ZNF653: variants seen among roughly 807,000 people sequenced by gnomAD.
The protein encoded by ZNF653 is zinc finger protein 653.
ZNF653 carries 37 observed loss-of-function variants against 59.9 expected under a neutral mutation model. That is an observed-to-expected ratio of 0.62 (90% CI 0.48 to 0.81). The LOEUF (loss-of-function observed/expected upper bound fraction) is 0.81, where lower values mean the gene tolerates loss of function less well. ZNF653 is among the 40% of genes least tolerant of loss of function. The pLI is 0.00. For synonymous variants in ZNF653, 435 were observed against 371.8 expected (o/e 1.17, Z -1.96); for missense variants, 808 against 881.1 (o/e 0.92, Z 1.05).
chr19:11,505,111 T>C (rs1301691574), intron 1 of ZNF653: 1 of 198,358 alleles, frequency 5.0e-6, no homozygotes, highest in African/African-American at 2.4e-5. Flanking sequence ...CCAGGCCAGG[T>C]GGGGAACTAA....
intron 3 of ZNF653, among the ~76,000 whole-genome samples, chr19:11,493,059 G>A (rs1306424124): frequency 6.9e-6 from 1 of 145,722 alleles, no homozygotes; most frequent in African/African-American, 2.5e-5. Context: ...GCCCTCGGGA[G>A]TGTTTTTTTT....
chr19:11,485,108 T>A (rs77683181), intron 7 of ZNF653, among the ~76,000 whole-genome samples: 3,333 of 151,292 alleles, frequency 0.022, 123 homozygotes, highest in African/African-American at 0.077. Flanking sequence ...ACTTCTGACC[T>A]CCTGTGATAT....
intron 1 of ZNF653, among the ~76,000 whole-genome samples, chr19:11,499,582 T>C (rs898098995): frequency 2.2e-5 from 3 of 135,508 alleles, no homozygotes; most frequent in East Asian, 2.1e-4. Flanking sequence ...CTGGGCAACA[T>C]AGCAAGATCC....
intron 1 of ZNF653, chr19:11,505,277 C>T: frequency 1.9e-6 from 1 of 515,832 alleles, no homozygotes; most frequent in Non-Finnish European, 3.3e-6. Context: ...GCTGGGTGCA[C>T]CCTAGGATTG....
intron 5 of ZNF653, 27 bp downstream of exon 5, chr19:11,486,960 C>T (rs1971473216): frequency 6.2e-7 from 1 of 1,612,254 alleles, no homozygotes; most frequent in Non-Finnish European, 8.5e-7. Flanking sequence ...AGCCCTCGCC[C>T]TCACCCTTGC....
chr19:11,484,017 C>A (rs1036172578), intron 8 of ZNF653, 25 bp downstream of exon 8: 52 of 1,548,066 alleles, frequency 3.4e-5, no homozygotes, highest in Non-Finnish European at 4.4e-5. Flanking sequence ...AATCCTCTAG[C>A]GGCACGGGGC....
In ZNF653 at chr19:11,483,664, G is replaced by T; in HGVS notation, c.*18C>A. ...TCCGAGCGGACGAATAAATAGGGGCGGTCAGTGGTCAGGTGGGTCAGGTGG... is the reference window on the plus strand; with the variant it reads ...TCCGAGCGGACGAATAAATAGGGGCTGTCAGTGGTCAGGTGGGTCAGGTGG... On this transcript the variant is annotated 3_prime_UTR_variant, in exon 9 of 9. Transcript: ENST00000293771. 1 of 1,604,166 alleles carries T rather than the reference G, an allele frequency of 6.2e-7. No homozygotes were observed. Among genetic ancestry groups the T allele is most frequent in the Non-Finnish European group, 8.5e-7 (1 of 1,171,848 alleles).
chr19:11,497,454 G>A (rs1270052797), intron 2 of ZNF653, among the ~76,000 whole-genome samples: 1 of 152,196 alleles, frequency 6.6e-6, no homozygotes, highest in Non-Finnish European at 1.5e-5. Flanking sequence ...GCTTCTCTGA[G>A]CCCCAGGTGC....
Position 11,484,115 on chromosome 19 carries a change from A to T in ZNF653, c.1597T>A (p.Cys533Ser). ...SGVREFTCET[C>S]GKSFKRKNHL... is the part of the protein sequence containing the mutation. Reference sequence around the variant, plus strand: ...TTCTTCCTCTTGAAGGACTTGCCGCAGGTCTCGCAGGTGAATTCACGGACA... The same window carrying T: ...TTCTTCCTCTTGAAGGACTTGCCGCTGGTCTCGCAGGTGAATTCACGGACA... Residue 533 changes from cysteine (C) to serine (S), a missense_variant, in exon 8 of 9, where the codon TGC becomes AGC. Coordinates refer to ENST00000293771, the MANE Select transcript of ZNF653 (RefSeq NM_138783.4). 6.4e-7 allele frequency: 1 copy of T among 1,554,856 alleles called. No individual in the cohort carries two copies. The highest frequency in any genetic ancestry group is 8.7e-7 in the Non-Finnish European group (1 of 1,148,998).
rs368267798 is a variant in ZNF653 at position 11,485,624 on chromosome 19, C to T, written c.1570+32G>A. 3.7e-5 allele frequency: 58 copies of T among 1,574,040 alleles called. No individual in the cohort carries two copies. In the African/African-American group the frequency reaches 5.1e-4, roughly 14 times the overall value. On this transcript the variant is annotated intron_variant, in intron 7 of 8. Coordinates refer to ENST00000293771, the MANE Select transcript of ZNF653 (RefSeq NM_138783.4). Reference sequence around the variant, plus strand: ...CCCAGGCCCATGTCCCTGTGTCCCCCGCTCATGCTGCCAGCTGGCCCAGGG... The same window carrying T: ...CCCAGGCCCATGTCCCTGTGTCCCCTGCTCATGCTGCCAGCTGGCCCAGGG...
Position 11,495,885 on chromosome 19 carries a change from C to A in ZNF653, c.559+65G>T. The A allele has an allele frequency of 6.7e-7, 1 of 1,501,736 alleles. No individual in the cohort carries two copies. The allele number at this position is 1,501,736 out of a possible 1,614,324, so 93.0% of individuals were successfully genotyped here. On this transcript the variant is annotated intron_variant, in intron 3 of 8. Transcript: ENST00000293771. The surrounding 1 kb of genome is among the most constrained non-coding windows in gnomAD (Gnocchi z 4.9). ...CTGCTATTCTGTTTGTGATGCTAGC[C>A]TAGGGCTCGTAAGAAGCCCCCAGAA...
chr19:11,494,361 ACATAACATAACATAACATAAAACAT>A (rs1971560870), intron 3 of ZNF653, among the ~76,000 whole-genome samples: 1 of 148,422 alleles, frequency 6.7e-6, no homozygotes, highest in African/African-American at 2.6e-5. Flanking sequence ...ACATAACATA[ACATAACATAACATAACATAAAACAT>A]AACATAACAT....
chr19:11,505,449 C>T, intron 1 of ZNF653, 39 bp downstream of exon 1: 24 of 1,404,986 alleles, frequency 1.7e-5, no homozygotes, highest in South Asian at 7.6e-5. Context: ...GGTCTGGGGG[C>T]GTCTCCTCCC....
chr19:11,503,263 G>C (rs1971666244), intron 1 of ZNF653, among the ~76,000 whole-genome samples: 1 of 152,084 alleles, frequency 6.6e-6, no homozygotes, highest in Non-Finnish European at 1.5e-5. Flanking sequence ...AGTGTTCCTG[G>C]CACACAATAG....
intron 6 of ZNF653, among the ~76,000 whole-genome samples, chr19:11,486,037 C>T (rs762013249): frequency 1.2e-4 from 18 of 151,870 alleles, no homozygotes; most frequent in Non-Finnish European, 2.2e-4. Flanking sequence ...GCAAGCTCCA[C>T]CCCCCCGGGT....
chr19:11,498,448 A>T, intron 1 of ZNF653, 109 bp from the exon 2 acceptor site: 1 of 1,445,508 alleles, frequency 6.9e-7, no homozygotes, highest in South Asian at 1.1e-5. Context: ...ACTGAAACTA[A>T]ATCTGAACTT....
At chr19:11,501,492 T>A (rs1332650327) in intron 1 of ZNF653, among the ~76,000 whole-genome samples, 1 of 151,944 alleles carries the variant, frequency 6.6e-6, no homozygotes, top group Non-Finnish European at 1.5e-5. Flanking sequence ...CTTCTTCATT[T>A]CCCCGTTTTG....
intron 7 of ZNF653, 21 bp downstream of exon 7, chr19:11,485,635 C>T (rs1277820880): frequency 3.1e-6 from 5 of 1,598,678 alleles, no homozygotes; most frequent in Non-Finnish European, 4.3e-6. Flanking sequence ...GCTCATGCTG[C>T]CAGCTGGCCC....
At chr19:11,490,307 G>A (rs1971517205) in intron 3 of ZNF653, among the ~76,000 whole-genome samples, 1 of 152,190 alleles carries the variant, frequency 6.6e-6, no homozygotes, top group South Asian at 2.1e-4. Flanking sequence ...CTCTCCGGGG[G>A]TACCACCGTC....
Sources: allele counts gnomAD v4.1 joint callset (sites outside exome capture counted in the v4.1 genomes callset), GRCh38; gene constraint gnomAD v4.1.1; non-coding constraint Gnocchi (gnomAD v3.1); transcripts MANE v1.5; gene names NCBI Gene and HGNC (gene_info 2026-07-23, HGNC 2026-07-21).